Variants in CNTN5 observed in about 807,000 individuals in gnomAD.
CNTN5 encodes the protein contactin 5.
CNTN5 carries 77 observed loss-of-function variants against 129.1 expected under a neutral mutation model. That is an observed-to-expected ratio of 0.60 (90% CI 0.50 to 0.72). The LOEUF is 0.72. Among genes scored for constraint, CNTN5 ranks in the 30% least tolerant of loss-of-function variants. The pLI is 0.00. For missense variants in CNTN5, 1,478 were observed against 1,328.8 expected (o/e 1.11, Z -1.75); for synonymous variants, 509 against 465.6 (o/e 1.09, Z -1.20).
rs981030063 is a variant in CNTN5 at position 99,451,256 on chromosome 11, T to C, written c.-70-104889T>C. On this transcript the variant is annotated intron_variant, in intron 2 of 24. Coordinates refer to ENST00000524871, the MANE Select transcript of CNTN5 (RefSeq NM_014361.4). ...GCAAATAGTTGTTTTCATCCCAATA[T>C]TTTCTTAGAATAACATTGAGCCTGA... Among the ~76,000 whole-genome samples, 11 of 152,284 alleles carry C rather than the reference T, an allele frequency of 7.2e-5. No individual in the cohort carries two copies. In the South Asian group the frequency reaches 1.2e-3, roughly 17 times the overall value.
intron 7 of CNTN5, among the ~76,000 whole-genome samples, chr11:99,920,286 T>G (rs1471975382): frequency 1.3e-5 from 2 of 152,206 alleles, no homozygotes; most frequent in African/African-American, 2.4e-5. Flanking sequence ...CCTCAAACTC[T>G]TAATTTTATA....
At chr11:99,677,424 G>A (rs1347787781) in intron 3 of CNTN5, among the ~76,000 whole-genome samples, 1 of 152,068 alleles carries the variant, frequency 6.6e-6, no homozygotes, top group African/African-American at 2.4e-5. Context: ...TACCACATGA[G>A]CAGTTTGAGG....
intron 6 of CNTN5, among the ~76,000 whole-genome samples, chr11:99,902,142 C>G (rs1377578): frequency 6.6e-6 from 1 of 151,914 alleles, no homozygotes; most frequent in Non-Finnish European, 1.5e-5. Context: ...CATTGACTTT[C>G]TAATAGTAGA....
chr11:99,791,295 T>G (rs1945733488), intron 3 of CNTN5, among the ~76,000 whole-genome samples: 1 of 152,174 alleles, frequency 6.6e-6, no homozygotes, highest in Admixed American at 6.6e-5. Flanking sequence ...TTTAAATCTT[T>G]GACCCATCTT....
chr11:99,458,457 C>A (rs1347443412), intron 2 of CNTN5, among the ~76,000 whole-genome samples: 1 of 151,816 alleles, frequency 6.6e-6, no homozygotes, highest in Non-Finnish European at 1.5e-5. Context: ...TAATGCATTT[C>A]TTCTATAAAA....
At chr11:99,223,082 C>G (rs915819383) in intron 1 of CNTN5, among the ~76,000 whole-genome samples, 1 of 152,078 alleles carries the variant, frequency 6.6e-6, no homozygotes, top group Non-Finnish European at 1.5e-5. Context: ...AGATGCAGTG[C>G]CTACCATGGT....
rs552372162 is a variant in CNTN5 at position 99,571,994 on chromosome 11, C to T, written c.55+15725C>T. The stretch of plus-strand genomic sequence containing the variant: ...ATCCTGCTCTAATCTTAATGAGATA[C>T]GAAAGCCTCTCAGTTCACACAGCAA... On this transcript the variant is annotated intron_variant, in intron 3 of 24. Transcript: ENST00000524871. 7.9e-5 allele frequency among the ~76,000 whole-genome samples: 12 copies of T among 152,182 alleles called. No individual in the cohort carries two copies. The East Asian group carries it at 1.2e-3, about 15-fold the overall frequency.
At chr11:99,854,922 G>A (rs1236109823) in intron 6 of CNTN5, among the ~76,000 whole-genome samples, 1 of 152,118 alleles carries the variant, frequency 6.6e-6, no homozygotes, top group East Asian at 1.9e-4. Flanking sequence ...GTGAAAGAGA[G>A]AAGAAAGGAT....
intron 2 of CNTN5, among the ~76,000 whole-genome samples, chr11:99,545,620 T>C (rs1405887049): frequency 6.6e-6 from 1 of 152,230 alleles, no homozygotes; most frequent in Non-Finnish European, 1.5e-5. Flanking sequence ...GTTTCCTCAT[T>C]GCTCCACTAA....
At chr11:99,233,370 A>G (rs1438845833) in intron 1 of CNTN5, among the ~76,000 whole-genome samples, 1 of 152,218 alleles carries the variant, frequency 6.6e-6, no homozygotes, top group Non-Finnish European at 1.5e-5. Context: ...ATAAATGAAA[A>G]CATTTTCAAA....
Position 100,010,327 on chromosome 11 carries a change from A to G in CNTN5, c.980+8191A>G, listed in dbSNP as rs185450337. ...CTACCATCTCTAGAGGTAAGGGGGG[A>G]AAAAAAGAATTAGAATTAATAAAAA... On this transcript the variant is annotated intron_variant, in intron 9 of 24. Coordinates refer to ENST00000524871, the MANE Select transcript of CNTN5 (RefSeq NM_014361.4). 8.8e-3 allele frequency among the ~76,000 whole-genome samples: 1,337 copies of G among 152,016 alleles called. 27 individuals are homozygous for G. Among genetic ancestry groups the G allele is most frequent in the African/African-American group, 0.031 (1,280 of 41,422 alleles).
intron 21 of CNTN5, among the ~76,000 whole-genome samples, chr11:100,324,055 T>C (rs72987667): frequency 0.047 from 7,110 of 152,230 alleles, 230 homozygotes; most frequent in Middle Eastern, 0.11. Flanking sequence ...AATATTGTAA[T>C]ATGTCAACCT....
chr11:99,462,011 C>T (rs1344286693), intron 2 of CNTN5, among the ~76,000 whole-genome samples: 2 of 152,088 alleles, frequency 1.3e-5, no homozygotes, highest in African/African-American at 4.8e-5. Context: ...TGATTAGTAG[C>T]CATTGAGTAC....
At chr11:99,127,723 T>C (rs1005126414) in intron 1 of CNTN5, among the ~76,000 whole-genome samples, 2 of 152,164 alleles carry the variant, frequency 1.3e-5, no homozygotes, top group Admixed American at 6.5e-5. Context: ...CTCTGCACTA[T>C]ATTAATTGTC....
At chr11:99,686,828 A>T (rs186065901) in intron 3 of CNTN5, among the ~76,000 whole-genome samples, 1 of 152,310 alleles carries the variant, frequency 6.6e-6, no homozygotes, top group African/African-American at 2.4e-5. Context: ...TAGAGGACAC[A>T]GCTCATTGGT....
In CNTN5 at chr11:99,999,114, A is replaced by T. The variant is rs930695092; in HGVS notation, c.878-2920A>T. Reference sequence around the variant, plus strand: ...GGCATGGGCAAGGACTTCATGTCTAAAACACCAAAAGCAATGGCAACAAAA... The same window carrying T: ...GGCATGGGCAAGGACTTCATGTCTATAACACCAAAAGCAATGGCAACAAAA... On this transcript the variant is annotated intron_variant, in intron 8 of 24. Transcript: ENST00000524871. Among the ~76,000 whole-genome samples the T allele has an allele frequency of 7.2e-5, 11 of 152,046 alleles. 1 individual carries two copies. The highest frequency in any genetic ancestry group is 6.3e-3 in the Middle Eastern group (2 of 316).
Position 99,735,948 on chromosome 11 carries a change from C to T in CNTN5, c.56-83596C>T, listed in dbSNP as rs189684415. 5.9e-3 allele frequency among the ~76,000 whole-genome samples: 891 copies of T among 152,280 alleles called. 4 individuals are homozygous for T. The highest frequency in any genetic ancestry group is 9.1e-3 in the Non-Finnish European group (619 of 68,010). On this transcript the variant is annotated intron_variant, in intron 3 of 24. Transcript: ENST00000524871. The stretch of plus-strand genomic sequence containing the variant: ...TCTCCTCATTCATCCTCCCCCAGCC[C>T]CTGACAACCACCGTTCTGCTCTGCT...
intron 13 of CNTN5, among the ~76,000 whole-genome samples, chr11:100,104,857 T>A (rs1046469907): frequency 1.3e-5 from 2 of 152,144 alleles, no homozygotes; most frequent in African/African-American, 4.8e-5. Context: ...TACAGGCATA[T>A]CATATGTTCC....
intron 1 of CNTN5, among the ~76,000 whole-genome samples, chr11:99,037,029 C>T (rs1049919979): frequency 1.3e-5 from 2 of 152,128 alleles, no homozygotes; most frequent in Admixed American, 1.3e-4. Context: ...GATGTTTGTA[C>T]AAATACCATT....
Sources: allele counts gnomAD v4.1 joint callset (sites outside exome capture counted in the v4.1 genomes callset), GRCh38; gene constraint gnomAD v4.1.1; transcripts MANE v1.5; gene names NCBI Gene and HGNC (gene_info 2026-07-23, HGNC 2026-07-21).